The following PRPF8 variants were observed in gnomAD, a reference collection of about 807,000 sequenced individuals.
PRPF8 encodes pre-mRNA processing factor 8.
Under a neutral mutation model 285.9 loss-of-function variants are expected in PRPF8, and 64 were observed. That is an observed-to-expected ratio of 0.22 (90% confidence interval 0.18 to 0.28). The LOEUF (loss-of-function observed/expected upper bound fraction) is 0.28, where lower values mean the gene tolerates loss of function less well. PRPF8 is among the 10% of genes least tolerant of loss of function. PRPF8 has a pLI of 1.00. For synonymous variants in PRPF8, 1,325 were observed against 1,118.2 expected (o/e 1.18, Z -3.69); for missense variants, 1,426 against 3,026.7 (o/e 0.47, Z 12.41).
Position 1,659,831 on chromosome 17 carries a change from A to AG in PRPF8, c.4946+9dup. On this transcript the variant is annotated intron_variant, in intron 31 of 42. Transcript: ENST00000304992. The surrounding 1 kb of genome is among the most constrained non-coding windows in gnomAD (Gnocchi z 5.1). Reference sequence around the variant, plus strand: ...CCTGGCTGCCTAGGGCTGGGTCCTGAGGCACTTACTTGGAGTCAGCCAGCA... The same window carrying AG: ...CCTGGCTGCCTAGGGCTGGGTCCTGAGGGCACTTACTTGGAGTCAGCCAGCA... The AG allele has an allele frequency of 6.2e-7, 1 of 1,614,024 alleles. No homozygotes were observed. The highest frequency in any genetic ancestry group is 8.5e-7 in the Non-Finnish European group (1 of 1,179,914).
intron 2 of PRPF8, among the ~76,000 whole-genome samples, chr17:1,684,086 T>C (rs1189304156): frequency 6.6e-6 from 1 of 152,006 alleles, no homozygotes; most frequent in African/African-American, 2.4e-5. Flanking sequence ...GAGGTTTCAC[T>C]GTGTTGGCCA....
intron 3 of PRPF8, 194 bp downstream of exon 3, chr17:1,683,339 G>T: frequency 1.5e-6 from 1 of 687,586 alleles, no homozygotes; most frequent in Non-Finnish European, 2.6e-6. Context: ...TAAAGCACCA[G>T]TCCCAGATCG....
intron 8 of PRPF8, chr17:1,680,497 C>A: frequency 1.7e-6 from 1 of 604,902 alleles, no homozygotes; most frequent in South Asian, 1.9e-5. Flanking sequence ...TTATCTAGAG[C>A]ACCCAAGAAA....
At chr17:1,668,365 T>G (rs943314823) in intron 24 of PRPF8, among the ~76,000 whole-genome samples, 95 of 144,184 alleles carry the variant, frequency 6.6e-4, no homozygotes, top group Non-Finnish European at 1.1e-3. Context: ...TTTTTTTTTT[T>G]TTTTTTTTTT....
rs946526944 is a variant in PRPF8 at position 1,684,774 on chromosome 17, A to G, written c.-12+6T>C. 18 of 628,266 alleles carry G rather than the reference A, an allele frequency of 2.9e-5. No homozygotes were observed. The highest frequency in any genetic ancestry group is 5.1e-5 in the Non-Finnish European group (18 of 350,078). The allele number at this position is 628,266 out of a possible 1,614,324, so 38.9% of individuals were successfully genotyped here. ...CGCAGCCCGGCCTTAAACGCCTGCC[A>G]CGCACCCCACAGGCCCTCACACAAG... On this transcript the variant is annotated splice_donor_region_variant and intron_variant, in intron 1 of 42. Transcript: ENST00000304992.
intron 24 of PRPF8, among the ~76,000 whole-genome samples, chr17:1,669,626 A>T (rs191380985): frequency 2.0e-5 from 3 of 152,052 alleles, no homozygotes; most frequent in Admixed American, 6.5e-5. Flanking sequence ...TTCCATCCCT[A>T]CTATTTCTGT....
Position 1,677,627 on chromosome 17 carries a change from A to G in PRPF8, c.1922T>C (p.Met641Thr). 6.2e-7 allele frequency: 1 copy of G among 1,614,052 alleles called. No individual in the cohort carries two copies. Among genetic ancestry groups the G allele is most frequent in the South Asian group, 1.1e-5 (1 of 91,080 alleles). Residue 641 changes from methionine (M) to threonine (T), a missense_variant, in exon 14 of 43, where the codon ATG (methionine) becomes ACG (threonine). Around this residue, in one of 34 missense-constraint regions of PRPF8, gnomAD observed 69 missense variants for 134.7 expected, o/e 0.51. Coordinates refer to ENST00000304992, the MANE Select transcript of PRPF8 (RefSeq NM_006445.4). ...AAGWRVWLFF[M>T]RGITPLLERW... ...CTCTAATAAAGGGGTAATGCCACGCATGAAAAAGAGCCAGACTCGCCAACC... is the reference window on the plus strand; with the variant it reads ...CTCTAATAAAGGGGTAATGCCACGCGTGAAAAAGAGCCAGACTCGCCAACC...
intron 24 of PRPF8, among the ~76,000 whole-genome samples, chr17:1,672,535 G>A (rs558092479): frequency 1.2e-4 from 18 of 152,200 alleles, no homozygotes; most frequent in South Asian, 1.0e-3. Context: ...CACCAGCCTC[G>A]GCCTCCCAAA....
In PRPF8 at chr17:1,673,938, T is replaced by A; in HGVS notation, c.3300-46A>T. 6.2e-7 allele frequency: 1 copy of A among 1,605,110 alleles called. No homozygotes were observed. Among genetic ancestry groups the A allele is most frequent in the South Asian group, 1.1e-5 (1 of 91,016 alleles). On this transcript the variant is annotated intron_variant, in intron 21 of 42. Coordinates refer to ENST00000304992, the MANE Select transcript of PRPF8 (RefSeq NM_006445.4). This position sits in a 1 kb window ranked among gnomAD's most constrained non-coding sequence, Gnocchi z 5.5. ...TGCTGAGGCCCCAGTACACTGAGAT[T>A]TGGGACACCCACAAGTCCTCCAGCT...
chr17:1,674,976 T>C (rs1173977618), intron 20 of PRPF8, among the ~76,000 whole-genome samples, 176 bp downstream of exon 20: 2 of 152,052 alleles, frequency 1.3e-5, no homozygotes, highest in Admixed American at 6.6e-5. Flanking sequence ...GGTTTCACCA[T>C]GTTGGCCAGA....
At chr17:1,665,845 CAAAAAAA>C (rs1275826190) in intron 24 of PRPF8, among the ~76,000 whole-genome samples, 1 of 84,172 alleles carries the variant, frequency 1.2e-5, no homozygotes, top group Non-Finnish European at 2.5e-5. Flanking sequence ...GACTCCATCT[CAAAAAAA>C]AAAAAAAAGA....
Position 1,680,798 on chromosome 17 carries a change from AG to A in PRPF8, c.1025del (p.Thr342MetfsTer14). 1 of 1,614,172 alleles carries A rather than the reference AG, an allele frequency of 6.2e-7. No individual in the cohort carries two copies. Among genetic ancestry groups the A allele is most frequent in the Non-Finnish European group, 8.5e-7 (1 of 1,180,024 alleles). ...AGAAAGCTGGCAAGTCAGGATCCTC[AG>A]TTTTGATGAATACAACATTGGGAGT... ...YHTPNVVFIK[T>X]EDPDLPAFYF... On this transcript the variant is annotated frameshift_variant, in exon 8 of 43. Coordinates refer to ENST00000304992, the MANE Select transcript of PRPF8 (RefSeq NM_006445.4). LOFTEE classifies it high-confidence loss of function.
At chr17:1,677,974 G>A (rs1445475367) in intron 13 of PRPF8, among the ~76,000 whole-genome samples, 1 of 152,084 alleles carries the variant, frequency 6.6e-6, no homozygotes, top group African/African-American at 2.4e-5. Context: ...TAGGTCCCTG[G>A]AAAGAGCCCT....
chr17:1,666,375 T>C (rs1170517133), intron 24 of PRPF8, among the ~76,000 whole-genome samples: 1 of 151,414 alleles, frequency 6.6e-6, no homozygotes, highest in African/African-American at 2.4e-5. Flanking sequence ...ATGGCGAAAC[T>C]GTCTGTATCC....
chr17:1,651,268 G>T lies in PRPF8; in HGVS notation c.6693C>A (p.Thr2231=). 1 of 1,614,118 alleles carries T rather than the reference G, an allele frequency of 6.2e-7. No homozygotes were observed. The highest frequency in any genetic ancestry group is 1.1e-5 in the South Asian group (1 of 91,076). Residue 2231 remains threonine, a synonymous_variant, in exon 42 of 43, where the codon ACC becomes ACA. Coordinates refer to ENST00000304992, the MANE Select transcript of PRPF8 (RefSeq NM_006445.4). This position sits in a 1 kb window ranked among gnomAD's most constrained non-coding sequence, Gnocchi z 5.1. ...GGCGGCCCCATTCGTAGCCACTGGG[G>T]GTCAGCTTGTAGGCCGTCAGTGTAC... ...GSCTLTAYKL[T]PSGYEWGRQN...
chr17:1,684,111 T>C (rs956679001), intron 2 of PRPF8, among the ~76,000 whole-genome samples: 1 of 152,126 alleles, frequency 6.6e-6, no homozygotes, highest in Non-Finnish European at 1.5e-5. Flanking sequence ...GGTCTCGAAC[T>C]CCTGACCTCA....
chr17:1,661,989 CG>C lies in PRPF8; in HGVS notation c.3938del (p.Pro1313ArgfsTer36). 3 of 1,613,876 alleles carry C rather than the reference CG, an allele frequency of 1.9e-6. No individual in the cohort carries two copies. Among genetic ancestry groups the C allele is most frequent in the Non-Finnish European group, 2.5e-6 (3 of 1,179,960 alleles). On this transcript the variant is annotated frameshift_variant, in exon 25 of 43. Coordinates refer to ENST00000304992, the MANE Select transcript of PRPF8 (RefSeq NM_006445.4). LOFTEE classifies it high-confidence loss of function. The surrounding 1 kb of genome is among the most constrained non-coding windows in gnomAD (Gnocchi z 7.3). ...LNSKMPSRFP[P>X]VVFYTPKELG... ...ACTCCTTAGGGGTGTAGAACACAAC[CG>C]GGGGGAACCGACTTGGCATCTTGGA...
Position 1,650,833 on chromosome 17 carries a change from T to A in PRPF8, c.6977A>T (p.Tyr2326Phe). The A allele has an allele frequency of 6.2e-7, 1 of 1,613,908 alleles. No individual in the cohort carries two copies. The highest frequency in any genetic ancestry group is 8.5e-7 in the Non-Finnish European group (1 of 1,179,982). Residue 2326 changes from tyrosine to phenylalanine, a missense_variant, in exon 43 of 43, where the codon TAC becomes TTC. Physicochemically the swap from Tyr to Phe is conservative, Grantham distance 22. Coordinates refer to ENST00000304992, the MANE Select transcript of PRPF8 (RefSeq NM_006445.4). ...ATACAGGTCCTCCCGATCCGCAGAG[T>A]AAACCTCCCCCTCCTGCAGGAGAGC... ...NFALLQEGEV[Y>F]SADREDLYA
rs939125527 is a variant in PRPF8 at position 1,680,379 on chromosome 17, A to C, written c.1098+347T>G. The stretch of plus-strand genomic sequence containing the variant: ...TTGGGACAACTCTGAGAATAAGCTA[A>C]AAACCATCAAATTACACACTTTAAA... On this transcript the variant is annotated intron_variant, in intron 8 of 42. Coordinates refer to ENST00000304992, the MANE Select transcript of PRPF8 (RefSeq NM_006445.4). 3 of 391,500 alleles carry C rather than the reference A, an allele frequency of 7.7e-6. No homozygotes were observed. In the Admixed American group the frequency reaches 1.3e-4, roughly 17 times the overall value. The allele number at this position is 391,500 out of a possible 1,614,324, so 24.3% of individuals were successfully genotyped here.
Sources: allele counts gnomAD v4.1 joint callset (sites outside exome capture counted in the v4.1 genomes callset), GRCh38; gene constraint gnomAD v4.1.1; regional missense constraint gnomAD v4.1.1; non-coding constraint Gnocchi (gnomAD v3.1); transcripts MANE v1.5; gene names NCBI Gene and HGNC (gene_info 2026-07-23, HGNC 2026-07-21).